Variants in CSGALNACT1 observed in about 807,000 individuals in gnomAD.
CSGALNACT1 encodes the protein beta4GalNAcT-1.
In CSGALNACT1, 52 loss-of-function variants were observed where a neutral mutation model predicts 51.0. That is an observed-to-expected ratio of 1.02 (90% CI 0.82 to 1.29). The LOEUF is 1.29. CSGALNACT1 is among the 50% of genes most tolerant of loss of function. CSGALNACT1 has a pLI of 0.00. For synonymous variants in CSGALNACT1, 341 were observed against 254.4 expected, an observed-to-expected ratio of 1.34 and a Z score of -3.24; for missense variants, 935 against 679.2, an observed-to-expected ratio of 1.38 and a Z score of -4.19.
chr8:19,666,935 G>A (rs1268247864), intron 1 of CSGALNACT1, among the ~76,000 whole-genome samples: 1 of 130,048 alleles, frequency 7.7e-6, no homozygotes, highest in Non-Finnish European at 1.7e-5. Context: ...GAGACAGAGA[G>A]AGAGAGAAAA....
intron 5 of CSGALNACT1, among the ~76,000 whole-genome samples, chr8:19,453,360 GTA>G (rs1332569073): frequency 1.3e-5 from 2 of 152,060 alleles, no homozygotes; most frequent in African/African-American, 2.4e-5. Context: ...AAATAGGAAG[GTA>G]CAGAATAGAT....
At chr8:19,749,755 G>A (rs184064725) in intron 1 of CSGALNACT1, among the ~76,000 whole-genome samples, 44 of 152,326 alleles carry the variant, frequency 2.9e-4, no homozygotes, top group Admixed American at 2.6e-3. Flanking sequence ...GAGGGGGTCA[G>A]GGAGAGGCTC....
At chr8:19,562,036 C>T (rs2040855019) in intron 3 of CSGALNACT1, among the ~76,000 whole-genome samples, 1 of 152,160 alleles carries the variant, frequency 6.6e-6, no homozygotes, top group Admixed American at 6.5e-5. Flanking sequence ...GATGGAGCTC[C>T]TACCAAGCCT....
intron 6 of CSGALNACT1, among the ~76,000 whole-genome samples, chr8:19,423,155 C>G (rs1374782386): frequency 2.0e-5 from 3 of 152,194 alleles, no homozygotes; most frequent in Non-Finnish European, 4.4e-5. Context: ...CAGCAAGTGA[C>G]TTTTGCCAAG....
At chr8:19,606,454 G>C (rs1166197376), upstream of CSGALNACT1, among the ~76,000 whole-genome samples, 1 of 152,152 alleles carries the variant, frequency 6.6e-6, no homozygotes, top group Non-Finnish European at 1.5e-5. Flanking sequence ...GATAAATTGT[G>C]TGTTACTATA....
rs773622728 is a variant in CSGALNACT1, at chr8:19,458,589, C to T, written c.688G>A (p.Gly230Arg). 3 of 1,614,156 alleles carry T rather than the reference C, an allele frequency of 1.9e-6. No homozygotes were observed. The South Asian group carries it at 3.3e-5, about 18-fold the overall frequency. Residue 230 changes from glycine (G) to arginine (R), a missense_variant, in exon 5 of 10, where the codon GGG becomes AGG. Gly to Arg is a moderately radical substitution (Grantham distance 125). Transcript: ENST00000454498. ...CGTTTGAATTCGTGTTTGTGGTCCC[C>T]TTTGAAGGTGAGCTCATACAATGTC...
chr8:19,682,648 C>G (rs990473187), upstream of CSGALNACT1: 7 of 453,948 alleles, frequency 1.5e-5, no homozygotes, highest in African/African-American at 1.2e-4. Flanking sequence ...CAGGCAACAA[C>G]AGCCAAAACC....
intron 1 of CSGALNACT1, among the ~76,000 whole-genome samples, chr8:19,639,471 A>G (rs2056491227): frequency 6.6e-6 from 1 of 152,262 alleles, no homozygotes; most frequent in African/African-American, 2.4e-5. Context: ...GCTAAAATCT[A>G]CTGTATCACA....
intron 8 of CSGALNACT1, among the ~76,000 whole-genome samples, chr8:19,412,616 G>T (rs926700462): frequency 6.6e-6 from 1 of 152,236 alleles, no homozygotes; most frequent in East Asian, 1.9e-4. Context: ...CGTTAGCAGG[G>T]CCGGCTTACA....
chr8:19,533,309 A>AT (rs745339518), intron 3 of CSGALNACT1, among the ~76,000 whole-genome samples: 60 of 152,040 alleles, frequency 3.9e-4, no homozygotes, highest in Middle Eastern at 3.4e-3. Flanking sequence ...TTTTATAGAG[A>AT]TGGGGTCTTG....
intron 1 of CSGALNACT1, among the ~76,000 whole-genome samples, chr8:19,654,993 G>T (rs545776325): frequency 6.6e-6 from 1 of 152,084 alleles, no homozygotes; most frequent in African/African-American, 2.4e-5. Context: ...GAATTAAAAA[G>T]GAAGAAAGAC....
chr8:19,505,702 G>A lies in CSGALNACT1; in HGVS notation c.133C>T (p.Leu45=), dbSNP rs753295995. The A allele has an allele frequency of 2.5e-5, 40 of 1,614,110 alleles. 1 individual carries two copies. Among genetic ancestry groups the A allele is most frequent in the African/African-American group, 2.1e-4 (16 of 74,936 alleles). Residue 45 remains leucine, a synonymous_variant, in exon 4 of 10, where the codon CTG becomes TTG. Transcript: ENST00000454498. ...CCCGTGGGGCTGTTGGCCCTGGGCA[G>A]TGCCAGCTGCTCCTCGTCACCTTTT...
intron 9 of CSGALNACT1, 31 bp downstream of exon 8, chr8:19,408,582 G>A: frequency 6.3e-7 from 1 of 1,591,666 alleles, no homozygotes; most frequent in Non-Finnish European, 8.6e-7. Context: ...CGTGGCCTCT[G>A]GGTGGCAGTA....
At chr8:19,571,058 A>G (rs1351421177) in intron 3 of CSGALNACT1, among the ~76,000 whole-genome samples, 2 of 152,088 alleles carry the variant, frequency 1.3e-5, no homozygotes, top group Non-Finnish European at 2.9e-5. Flanking sequence ...TGCAGCCTCA[A>G]CCTCCCAGGC....
chr8:19,619,222 C>G (rs995179089), intron 1 of CSGALNACT1, among the ~76,000 whole-genome samples: 1 of 123,114 alleles, frequency 8.1e-6, no homozygotes, highest in Non-Finnish European at 1.6e-5. Context: ...AAATGGGAGA[C>G]AGGAAAAGAG....
chr8:19,417,518 A>G (rs1253144123), intron 8 of CSGALNACT1, among the ~76,000 whole-genome samples: 2 of 152,150 alleles, frequency 1.3e-5, no homozygotes, highest in African/African-American at 2.4e-5. Context: ...CATCCAGAAC[A>G]TGGGTTTTGG....
At chr8:19,485,806 G>A (rs1343410580) in intron 4 of CSGALNACT1, among the ~76,000 whole-genome samples, 1 of 99,890 alleles carries the variant, frequency 1.0e-5, no homozygotes, top group Non-Finnish European at 1.9e-5. Flanking sequence ...CACTCTTGCT[G>A]CCCAGGCTGA....
chr8:19,530,340 GCA>G (rs1232804087), intron 3 of CSGALNACT1, among the ~76,000 whole-genome samples: 12 of 148,770 alleles, frequency 8.1e-5, no homozygotes, highest in African/African-American at 3.0e-4. Flanking sequence ...ACACACACAC[GCA>G]CACAAGTACT....
At chr8:19,647,178 T>A (rs562604416) in intron 1 of CSGALNACT1, among the ~76,000 whole-genome samples, 3 of 152,272 alleles carry the variant, frequency 2.0e-5, no homozygotes, top group African/African-American at 7.2e-5. Context: ...ACTCACAGCT[T>A]CTCACCCTGA....
Sources: allele counts gnomAD v4.1 joint callset (sites outside exome capture counted in the v4.1 genomes callset), GRCh38; gene constraint gnomAD v4.1.1; transcripts MANE v1.5; gene names NCBI Gene and HGNC (gene_info 2026-07-23, HGNC 2026-07-21).